Variants in NHSL1 observed in about 807,000 individuals in gnomAD.
NHSL1 encodes NHS like 1.
NHSL1 carries 48 observed loss-of-function variants against 95.0 expected under a neutral mutation model. The observed-to-expected ratio is 0.51, with a 90% confidence interval of 0.40 to 0.64. The LOEUF is 0.64. NHSL1 is among the 30% of genes least tolerant of loss of function. The pLI, the probability that NHSL1 is intolerant of heterozygous loss-of-function variation, is 0.00. For missense variants in NHSL1, 1,971 were observed against 2,077.7 expected (o/e 0.95, Z 1.00); for synonymous variants, 783 against 833.9 (o/e 0.94, Z 1.05).
chr6:138,582,887 T>C (rs1366587868), intron 1 of NHSL1, among the ~76,000 whole-genome samples: 1 of 152,206 alleles, frequency 6.6e-6, no homozygotes, highest in African/African-American at 2.4e-5. Context: ...CAAATGTTTA[T>C]TGGGTCCTGT....
chr6:138,690,765 A>G (rs1785655422), intron 1 of NHSL1, among the ~76,000 whole-genome samples: 1 of 152,228 alleles, frequency 6.6e-6, no homozygotes, highest in Non-Finnish European at 1.5e-5. Context: ...CAAACTTGTG[A>G]AAAGTTTTGA....
chr6:138,691,790 G>A (rs751394413), intron 1 of NHSL1: 2 of 416,474 alleles, frequency 4.8e-6, no homozygotes, highest in Admixed American at 2.7e-5. Flanking sequence ...ACATAGACTT[G>A]ACTTTCAGGG....
In NHSL1 at chr6:138,442,134, C is replaced by T; in HGVS notation, c.533-20G>A. ...TCTCCCCTAATGTAGAGTAGTAGAA[C>T]AAGCAAAGCAATGTTATTTTCAAGC... On this transcript the variant is annotated intron_variant, in intron 4 of 7. Coordinates refer to ENST00000343505, the MANE Select transcript of NHSL1 (RefSeq NM_001144060.2). 4 of 1,521,508 alleles carry T rather than the reference C, an allele frequency of 2.6e-6. No individual in the cohort carries two copies. Among genetic ancestry groups the T allele is most frequent in the Non-Finnish European group, 3.5e-6 (4 of 1,134,954 alleles). The allele number at this position is 1,521,508 out of a possible 1,614,324, so 94.3% of individuals were successfully genotyped here.
intron 3 of NHSL1, among the ~76,000 whole-genome samples, chr6:138,469,674 G>A (rs990119670): frequency 1.3e-5 from 2 of 152,106 alleles, no homozygotes; most frequent in South Asian, 2.1e-4. Flanking sequence ...ACAGTGAACC[G>A]TGACTGCGCC....
At chr6:138,477,727 G>A (rs1036917860) in intron 2 of NHSL1, among the ~76,000 whole-genome samples, 2 of 152,114 alleles carry the variant, frequency 1.3e-5, no homozygotes, top group Non-Finnish European at 2.9e-5. Context: ...GGATACCAAG[G>A]AAGACTGTGT....
chr6:138,470,012 TA>T (rs1236194759), intron 3 of NHSL1, among the ~76,000 whole-genome samples: 1 of 152,126 alleles, frequency 6.6e-6, no homozygotes, highest in African/African-American at 2.4e-5. Flanking sequence ...ATTATGATAG[TA>T]TAATTTGTTA....
upstream of NHSL1, among the ~76,000 whole-genome samples, chr6:138,503,884 C>CT (rs369010967): frequency 2.8e-4 from 42 of 150,062 alleles, no homozygotes; most frequent in East Asian, 1.6e-3. Flanking sequence ...GGACTATCAT[C>CT]TTTTTTTTTT....
At chr6:138,473,564 T>C in intron 2 of NHSL1, 131 bp from the exon 3 acceptor site, 4 of 1,063,340 alleles carry the variant, frequency 3.8e-6, no homozygotes, top group Non-Finnish European at 4.9e-6. Context: ...GATTTTAAAA[T>C]AATGATAAAA....
In NHSL1 at chr6:138,658,180, T is replaced by C. The variant is rs1583469036; in HGVS notation, c.96+34296A>G. On this transcript the variant is annotated intron_variant, in intron 1 of 3. Transcript: ENST00000491526. ...CTGAGGTATAATTGACAAATAAAAATTGTATATATTTAAGGTGTACAACAC... is the reference window on the plus strand; with the variant it reads ...CTGAGGTATAATTGACAAATAAAAACTGTATATATTTAAGGTGTACAACAC... Among the ~76,000 whole-genome samples the C allele has an allele frequency of 3.3e-5, 5 of 152,258 alleles. No homozygotes were observed. The South Asian group carries it at 1.0e-3, about 32-fold the overall frequency.
rs1562408417 is a variant in NHSL1, at chr6:138,670,680, A to AAAAAAAAAAC, written c.96+21795_96+21796insGTTTTTTTTT. ...GACTCCGTCTCAAAAAAAAAAAAAA[A>AAAAAAAAAAC]AAAAAACTTTAAAAACTCAGTCTCA... On this transcript the variant is annotated intron_variant, in intron 1 of 3. Transcript: ENST00000491526. Among the ~76,000 whole-genome samples the AAAAAAAAAAC allele has an allele frequency of 9.1e-4, 138 of 151,176 alleles. 1 individual carries two copies. Among genetic ancestry groups the AAAAAAAAAAC allele is most frequent in the African/African-American group, 3.2e-3 (132 of 40,970 alleles).
At chr6:138,551,047 A>G (rs1782983714) in intron 1 of NHSL1, among the ~76,000 whole-genome samples, 1 of 152,258 alleles carries the variant, frequency 6.6e-6, no homozygotes, top group South Asian at 2.1e-4. Flanking sequence ...GAGAGATATC[A>G]AGACAGAGGG....
chr6:138,638,827 G>C (rs917253182), intron 1 of NHSL1, among the ~76,000 whole-genome samples: 1 of 152,130 alleles, frequency 6.6e-6, no homozygotes, highest in South Asian at 2.1e-4. Flanking sequence ...CAGAATACAG[G>C]AAACTCGGCC....
intron 1 of NHSL1, among the ~76,000 whole-genome samples, chr6:138,671,513 T>TGATTA (rs1189565114): frequency 6.8e-6 from 1 of 146,694 alleles, no homozygotes; most frequent in Non-Finnish European, 1.5e-5. Flanking sequence ...ACCAAGAAAG[T>TGATTA]GATTAGGGGA....
chr6:138,443,168 A>G (rs1776641623), intron 4 of NHSL1, among the ~76,000 whole-genome samples: 1 of 152,206 alleles, frequency 6.6e-6, no homozygotes, highest in African/African-American at 2.4e-5. Context: ...ATGTAGGTAT[A>G]TTGTGGACAA....
At chr6:138,683,452 C>T (rs989465787) in intron 1 of NHSL1, among the ~76,000 whole-genome samples, 7 of 152,318 alleles carry the variant, frequency 4.6e-5, no homozygotes, top group South Asian at 4.1e-4. Context: ...TAAATGTTAG[C>T]TATGTGCCAG....
intron 2 of NHSL1, among the ~76,000 whole-genome samples, chr6:138,476,309 C>T (rs1779062714): frequency 6.6e-6 from 1 of 152,112 alleles, no homozygotes; most frequent in South Asian, 2.1e-4. Flanking sequence ...GAATACTATG[C>T]AGCCATAAAA....
In NHSL1 at chr6:138,423,815, C is replaced by CAAAAAAAAAAAAAAAAAAAAAAAAAA. The variant is rs56326954; in HGVS notation, c.*265_*266insTTTTTTTTTTTTTTTTTTTTTTTTTT. On this transcript the variant is annotated 3_prime_UTR_variant, in exon 8 of 8. Coordinates refer to ENST00000343505, the MANE Select transcript of NHSL1 (RefSeq NM_001144060.2). Reference sequence around the variant, plus strand: ...GCACACATACACACCCAGCATTTAGCAAAAAAAAAAAAAAAAAAAAAAAAT... The same window carrying CAAAAAAAAAAAAAAAAAAAAAAAAAA: ...GCACACATACACACCCAGCATTTAGCAAAAAAAAAAAAAAAAAAAAAAAAAAAAAAAAAAAAAAAAAAAAAAAAAAT... 7.5e-6 allele frequency: 1 copy of CAAAAAAAAAAAAAAAAAAAAAAAAAA among 133,620 alleles called. No individual in the cohort carries two copies. Among genetic ancestry groups the CAAAAAAAAAAAAAAAAAAAAAAAAAA allele is most frequent in the African/African-American group, 3.8e-5 (1 of 26,268 alleles). 8.3% of individuals were successfully genotyped at this position (133,620 alleles called of 1,614,324 possible). A position where few individuals can be genotyped will look rare whatever the true frequency, so the allele number is the denominator to read the frequency against.
intron 1 of NHSL1, among the ~76,000 whole-genome samples, chr6:138,614,701 T>C (rs1784555539): frequency 6.6e-6 from 1 of 152,112 alleles, no homozygotes; most frequent in South Asian, 2.1e-4. Context: ...TGTTACTTGT[T>C]AGGAACTGGG....
In NHSL1 at chr6:138,441,990, C is replaced by T. The variant is rs966232138; in HGVS notation, c.657G>A (p.Lys219=). 7 of 1,550,616 alleles carry T rather than the reference C, an allele frequency of 4.5e-6. No individual in the cohort carries two copies. In the African/African-American group the frequency reaches 9.6e-5, roughly 21 times the overall value. ...AGTTCTGATGAGCCATACCTAGCTC[C>T]TTCTGTATGTTGTCAGGGACTCCTG... ...TITGVPDNIQ[K]ELASGTGQDD... Residue 219 remains lysine, a synonymous_variant, in exon 5 of 8, where the codon AAG becomes AAA. Transcript: ENST00000343505.
Sources: allele counts gnomAD v4.1 joint callset (sites outside exome capture counted in the v4.1 genomes callset), GRCh38; gene constraint gnomAD v4.1.1; transcripts MANE v1.5; gene names NCBI Gene and HGNC (gene_info 2026-07-23, HGNC 2026-07-21).